The following MAGI2 variants were observed in gnomAD, a reference collection of about 807,000 sequenced individuals.
MAGI2 encodes membrane associated guanylate kinase, WW and PDZ domain containing 2.
In MAGI2, 35 loss-of-function variants were observed where a neutral mutation model predicts 133.3. The observed-to-expected ratio is 0.26, with a 90% CI of 0.20 to 0.35. The LOEUF (loss-of-function observed/expected upper bound fraction) is 0.35, where lower values mean the gene tolerates loss of function less well. Among genes scored for constraint, MAGI2 ranks in the 10% least tolerant of loss-of-function variants. The pLI is 1.00. For missense variants in MAGI2, 1,636 were observed against 1,863.4 expected, an observed-to-expected ratio of 0.88 and a Z score of 2.25; for synonymous variants, 729 against 710.6, an observed-to-expected ratio of 1.03 and a Z score of -0.41.
intron 9 of MAGI2, among the ~76,000 whole-genome samples, chr7:78,279,954 C>T (rs767485191): frequency 6.6e-6 from 1 of 152,176 alleles, no homozygotes; most frequent in Non-Finnish European, 1.5e-5. Flanking sequence ...CAGCAGCAAT[C>T]TCAGCTTATC....
chr7:78,623,771 A>T (rs1415425745), intron 3 of MAGI2, among the ~76,000 whole-genome samples: 2 of 152,180 alleles, frequency 1.3e-5, no homozygotes, highest in African/African-American at 4.8e-5. Flanking sequence ...AACTAAGAAC[A>T]GTCATGCATT....
chr7:79,368,630 C>T (rs1317701118), intron 1 of MAGI2, among the ~76,000 whole-genome samples: 1 of 151,718 alleles, frequency 6.6e-6, no homozygotes, highest in Admixed American at 6.6e-5. Flanking sequence ...GGGCGGATCA[C>T]GAGGTCAGGA....
intron 2 of MAGI2, among the ~76,000 whole-genome samples, chr7:78,666,942 G>T (rs1402034439): frequency 6.6e-6 from 1 of 152,088 alleles, no homozygotes; most frequent in African/African-American, 2.4e-5. Flanking sequence ...TGATCAGTAA[G>T]ACCTACTATA....
At chr7:78,741,428 C>CACACACACAA (rs58979364) in intron 2 of MAGI2, among the ~76,000 whole-genome samples, 4 of 116,036 alleles carry the variant, frequency 3.4e-5, no homozygotes, top group Non-Finnish European at 7.0e-5. Flanking sequence ...CACACACACA[C>CACACACACAA]GGGAGGGGGG....
chr7:78,529,604 G>A (rs1469866005), intron 3 of MAGI2, among the ~76,000 whole-genome samples: 1 of 148,090 alleles, frequency 6.8e-6, no homozygotes, highest in South Asian at 2.2e-4. Context: ...CCACAGATAT[G>A]AGCCACATAT....
chr7:79,122,462 A>C (rs1819989069), intron 1 of MAGI2, among the ~76,000 whole-genome samples: 2 of 152,172 alleles, frequency 1.3e-5, no homozygotes, highest in South Asian at 4.1e-4. Context: ...CAGACCCAGA[A>C]ATGTATTAAA....
chr7:79,136,153 C>CTT (rs904984386), intron 1 of MAGI2, among the ~76,000 whole-genome samples: 2 of 151,954 alleles, frequency 1.3e-5, no homozygotes, highest in African/African-American at 4.8e-5. Flanking sequence ...TGTATACAGT[C>CTT]TTACTTTTAA....
intron 1 of MAGI2, among the ~76,000 whole-genome samples, chr7:79,445,300 C>A (rs865995971): frequency 2.0e-5 from 3 of 152,176 alleles, no homozygotes; most frequent in Middle Eastern, 6.8e-3. Flanking sequence ...GCAACAAAAT[C>A]CAAAATTGAC....
At chr7:79,353,257 C>G (rs1055467357) in intron 1 of MAGI2, among the ~76,000 whole-genome samples, 2 of 151,408 alleles carry the variant, frequency 1.3e-5, no homozygotes, top group African/African-American at 2.5e-5. Flanking sequence ...TCCACCCCCT[C>G]CTCTTCTCAG....
chr7:78,242,384 A>G (rs1389312169), intron 10 of MAGI2, among the ~76,000 whole-genome samples: 3 of 152,222 alleles, frequency 2.0e-5, no homozygotes, highest in Non-Finnish European at 4.4e-5. Flanking sequence ...CCATTCAGGA[A>G]CACATGCACT....
chr7:78,287,171 T>G (rs1228069260), intron 9 of MAGI2, among the ~76,000 whole-genome samples: 1 of 152,162 alleles, frequency 6.6e-6, no homozygotes, highest in Non-Finnish European at 1.5e-5. Context: ...ACTACTGCAT[T>G]GATTAAGGTA....
At chr7:78,085,455 C>T (rs1017764227) in intron 20 of MAGI2, among the ~76,000 whole-genome samples, 5 of 151,556 alleles carry the variant, frequency 3.3e-5, no homozygotes, top group East Asian at 1.9e-4. Context: ...CCCAGGAGTT[C>T]GAGGCTGCAG....
intron 2 of MAGI2, among the ~76,000 whole-genome samples, chr7:78,753,354 G>A (rs901979354): frequency 2.0e-5 from 3 of 151,952 alleles, no homozygotes; most frequent in Admixed American, 1.3e-4. Context: ...GGGCTTTGTA[G>A]CAGATAATAG....
At chr7:79,042,743 A>T (rs1584771062) in intron 1 of MAGI2, among the ~76,000 whole-genome samples, 1 of 152,126 alleles carries the variant, frequency 6.6e-6, no homozygotes, top group Non-Finnish European at 1.5e-5. Context: ...AACAGACCTA[A>T]CAGACATCCA....
At chr7:78,891,772 A>C (rs1796773281) in intron 2 of MAGI2, among the ~76,000 whole-genome samples, 1 of 152,236 alleles carries the variant, frequency 6.6e-6, no homozygotes, top group African/African-American at 2.4e-5. Context: ...AGCCAATATC[A>C]TACTGAATGG....
intron 2 of MAGI2, among the ~76,000 whole-genome samples, chr7:78,705,829 A>G (rs73149096): frequency 0.05 from 7,600 of 152,246 alleles, 278 homozygotes; most frequent in Non-Finnish European, 0.077. Flanking sequence ...GAACTTTTCT[A>G]AAGCAAATTC....
Position 78,357,242 on chromosome 7 carries a change from CTGTT to C in MAGI2, c.1104-11203_1104-11200del, listed in dbSNP as rs1792178483. Among the ~76,000 whole-genome samples the C allele has an allele frequency of 3.3e-5, 5 of 152,274 alleles. No individual in the cohort carries two copies. In the South Asian group the frequency reaches 1.0e-3, roughly 32 times the overall value. ...CTGGCTTCTTTAAGTTTCATTTTCT[CTGTT>C]TGTAAAACAGCAGTAATAGTATCTC... On this transcript the variant is annotated intron_variant, in intron 7 of 21. Coordinates refer to ENST00000354212, the MANE Select transcript of MAGI2 (RefSeq NM_012301.4).
intron 6 of MAGI2, among the ~76,000 whole-genome samples, chr7:78,465,999 C>T (rs1273886646): frequency 6.6e-6 from 1 of 152,166 alleles, no homozygotes; most frequent in South Asian, 2.1e-4. Flanking sequence ...GGACACACTT[C>T]TAAATATTAT....
At chr7:78,186,377 G>A (rs1827700146) in intron 12 of MAGI2, among the ~76,000 whole-genome samples, 2 of 152,178 alleles carry the variant, frequency 1.3e-5, no homozygotes, top group South Asian at 4.1e-4. Flanking sequence ...GAGACATGTT[G>A]CTCTCATACA....
Sources: allele counts gnomAD v4.1 joint callset (sites outside exome capture counted in the v4.1 genomes callset), GRCh38; gene constraint gnomAD v4.1.1; transcripts MANE v1.5; gene names NCBI Gene and HGNC (gene_info 2026-07-23, HGNC 2026-07-21).